The following PHKB variants were observed in gnomAD, a reference collection of about 807,000 sequenced individuals.
PHKB encodes phosphorylase b kinase regulatory subunit beta.
PHKB carries 122 observed loss-of-function variants against 152.1 expected under a neutral mutation model. That is an observed-to-expected ratio of 0.80 (90% CI 0.69 to 0.93). PHKB has a LOEUF of 0.93. PHKB is among the 40% of genes least tolerant of loss of function. PHKB has a pLI of 0.00. For synonymous variants in PHKB, 436 were observed against 464.9 expected, an observed-to-expected ratio of 0.94 and a Z score of 0.80; for missense variants, 1,304 against 1,328.4, an observed-to-expected ratio of 0.98 and a Z score of 0.29.
At chr16:47,508,272 A>G (rs908571347) in intron 4 of PHKB, among the ~76,000 whole-genome samples, 2 of 152,154 alleles carry the variant, frequency 1.3e-5, no homozygotes, top group African/African-American at 4.8e-5. Context: ...AATGTCAGCT[A>G]TGTTTTACCT....
At position 47,669,319 on chromosome 16, in the gene PHKB, G is replaced by T; in HGVS notation, c.2532G>T (p.Glu844Asp). 1 of 1,614,086 alleles carries T rather than the reference G, an allele frequency of 6.2e-7. No homozygotes were observed. The highest frequency in any genetic ancestry group is 1.1e-5 in the South Asian group (1 of 91,076). The change falls in exon 26 of 31, where the codon GAG (glutamate) becomes GAT (aspartate). Residue 844 changes from glutamate to aspartate, a missense_variant. Glu to Asp is a conservative substitution (Grantham distance 45). Coordinates refer to ENST00000323584, the MANE Select transcript of PHKB (RefSeq NM_000293.3). ...ATTATAAGTGTAACACCCATGATGA[G>T]AGGGAAGCGGTCATTCAGCAAGAAC... Reference protein sequence around the residue: ...IIYYKCNTHDEREAVIQQELV... With the variant: ...IIYYKCNTHDDREAVIQQELV...
At chr16:47,656,475 T>G (rs1243404428) in intron 20 of PHKB, among the ~76,000 whole-genome samples, 1 of 152,222 alleles carries the variant, frequency 6.6e-6, no homozygotes, top group Non-Finnish European at 1.5e-5. Flanking sequence ...GTCAACAATA[T>G]TTTTGAAGAT....
chr16:47,523,789 G>T (rs1304916099), intron 6 of PHKB, among the ~76,000 whole-genome samples: 1 of 152,146 alleles, frequency 6.6e-6, no homozygotes, highest in African/African-American at 2.4e-5. Context: ...TAGAAAAAAG[G>T]CCATTTGCAT....
At chr16:47,608,853 A>G (rs1306464062) in intron 13 of PHKB, among the ~76,000 whole-genome samples, 2 of 152,210 alleles carry the variant, frequency 1.3e-5, no homozygotes, top group African/African-American at 4.8e-5. Context: ...ATTAATTACC[A>G]TAGCCTTTGT....
At chr16:47,558,731 TAG>T (rs1971426009) in intron 7 of PHKB, among the ~76,000 whole-genome samples, 1 of 152,170 alleles carries the variant, frequency 6.6e-6, no homozygotes, top group South Asian at 2.1e-4. Flanking sequence ...GTATTTGTAG[TAG>T]AGACAGGGTT....
intron 14 of PHKB, among the ~76,000 whole-genome samples, chr16:47,618,333 G>A (rs1972556527): frequency 6.6e-6 from 1 of 152,054 alleles, no homozygotes; most frequent in Non-Finnish European, 1.5e-5. Context: ...TCTGGGGTCT[G>A]AAGAGAGATG....
At chr16:47,575,663 A>G (rs772367097) in intron 7 of PHKB, among the ~76,000 whole-genome samples, 14 of 152,226 alleles carry the variant, frequency 9.2e-5, no homozygotes, top group Non-Finnish European at 1.8e-4. Context: ...ATGTGTACAC[A>G]TGGACATAGA....
chr16:47,493,285 A>G (rs1350970033), intron 1 of PHKB, among the ~76,000 whole-genome samples: 1 of 152,236 alleles, frequency 6.6e-6, no homozygotes, highest in Non-Finnish European at 1.5e-5. Flanking sequence ...CAATTTCAGC[A>G]GCACTTTTCA....
chr16:47,600,943 C>T (rs149902442), intron 13 of PHKB, among the ~76,000 whole-genome samples: 1,681 of 152,208 alleles, frequency 0.011, 13 homozygotes, highest in Non-Finnish European at 0.017. Context: ...CAGGAGTTCG[C>T]GACTAGCCTC....
intron 7 of PHKB, among the ~76,000 whole-genome samples, chr16:47,554,947 G>A (rs1351479968): frequency 6.6e-6 from 1 of 152,194 alleles, no homozygotes; most frequent in Non-Finnish European, 1.5e-5. Context: ...CTGCAGACCA[G>A]AGCTGTTCCT....
intron 6 of PHKB, among the ~76,000 whole-genome samples, chr16:47,545,976 T>C (rs1461463580): frequency 1.3e-5 from 2 of 152,252 alleles, no homozygotes; most frequent in African/African-American, 4.8e-5. Flanking sequence ...CTGTTTATTC[T>C]AGTTAGCCAT....
At chr16:47,483,478 A>T (rs1970000894) in intron 1 of PHKB, among the ~76,000 whole-genome samples, 1 of 152,226 alleles carries the variant, frequency 6.6e-6, no homozygotes. Flanking sequence ...TACTTGTAGT[A>T]TAAGTATGAA....
chr16:47,580,402 C>T (rs747218375), intron 8 of PHKB, 44 bp downstream of exon 8: 27 of 1,355,254 alleles, frequency 2.0e-5, no homozygotes, highest in Non-Finnish European at 2.9e-5. Context: ...TTGAATTGCA[C>T]ATTTAATTAA....
At chr16:47,600,781 A>C (rs1262361243) in intron 13 of PHKB, among the ~76,000 whole-genome samples, 1 of 152,258 alleles carries the variant, frequency 6.6e-6, no homozygotes, top group Non-Finnish European at 1.5e-5. Flanking sequence ...ATGTCTATAC[A>C]TGAAGATACA....
At chr16:47,604,914 G>A (rs72800670) in intron 13 of PHKB, among the ~76,000 whole-genome samples, 142 of 152,060 alleles carry the variant, frequency 9.3e-4, no homozygotes, top group Non-Finnish European at 1.3e-3. Flanking sequence ...TCTTACCCTC[G>A]TTCTTTTATT....
At chr16:47,565,033 A>T in intron 7 of PHKB, 1 of 385,728 alleles carries the variant, frequency 2.6e-6, no homozygotes, top group Non-Finnish European at 5.0e-6. Context: ...TTGCTCTCTA[A>T]TGTTCCAGGG....
chr16:47,546,108 C>A (rs895655580), intron 6 of PHKB, among the ~76,000 whole-genome samples: 2 of 152,224 alleles, frequency 1.3e-5, no homozygotes, highest in African/African-American at 2.4e-5. Flanking sequence ...TCGTCAAAGT[C>A]ATTCTCCATC....
At chr16:47,589,958 T>G (rs1044227262) in intron 10 of PHKB, among the ~76,000 whole-genome samples, 4 of 152,006 alleles carry the variant, frequency 2.6e-5, no homozygotes, top group African/African-American at 9.7e-5. Context: ...CCCAGCTAAT[T>G]TTTTTGTGTT....
intron 1 of PHKB, among the ~76,000 whole-genome samples, chr16:47,473,050 TTTTGTTTG>T (rs538902267): frequency 1.3e-5 from 2 of 150,762 alleles, no homozygotes; most frequent in Non-Finnish European, 1.5e-5. Flanking sequence ...GTGTTTTTTT[TTTTGTTTG>T]TTTGTTTGTT....
Sources: gnomAD v4.1 joint callset for allele counts (sites outside exome capture counted in the v4.1 genomes callset) on GRCh38, gnomAD v4.1.1 for gene constraint, MANE v1.5 for transcripts, NCBI Gene and HGNC (gene_info 2026-07-23, HGNC 2026-07-21) for gene names.